Variants in ZNF721 observed in about 807,000 individuals in gnomAD.
ZNF721 encodes zinc finger protein 721.
ZNF721 carries 2 observed loss-of-function variants against 2.4 expected under a neutral mutation model. The ratio of observed to expected loss-of-function variants is 0.82; its 90% CI spans 0.34 to 2.58. The LOEUF (loss-of-function observed/expected upper bound fraction) is 2.58. Among genes scored for constraint, ZNF721 ranks in the 30% most tolerant of loss-of-function variants. The pLI, the probability that ZNF721 is intolerant of heterozygous loss-of-function variation, is 0.11. For missense variants in ZNF721, 1,187 were observed against 1,085.5 expected, an observed-to-expected ratio of 1.09 and a Z score of -1.31; for synonymous variants, 398 against 381.8, an observed-to-expected ratio of 1.04 and a Z score of -0.50.
intron 1 of ZNF721, among the ~76,000 whole-genome samples, chr4:489,516 C>A (rs1292543441): frequency 1.3e-5 from 2 of 152,224 alleles, no homozygotes; most frequent in Non-Finnish European, 2.9e-5. Flanking sequence ...AGACCATGGT[C>A]TTCACGTGGA....
chr4:475,861 G>A (rs1332862034), intron 1 of ZNF721, among the ~76,000 whole-genome samples: 1 of 151,228 alleles, frequency 6.6e-6, no homozygotes, highest in African/African-American at 2.4e-5. Flanking sequence ...CACCCCCACC[G>A]TTTTAAGCCC....
At chr4:464,908 T>C (rs1336018891) in intron 2 of ZNF721, among the ~76,000 whole-genome samples, 1 of 150,538 alleles carries the variant, frequency 6.6e-6, no homozygotes, top group African/African-American at 2.5e-5. Context: ...TGAAACCCTG[T>C]CTCTACTAAA....
chr4:448,313 G>A (rs573720225), intron 2 of ZNF721, among the ~76,000 whole-genome samples: 12 of 152,088 alleles, frequency 7.9e-5, no homozygotes, highest in African/African-American at 1.7e-4. Context: ...GTGGGTGACT[G>A]TAGTCCCAGC....
intron 2 of ZNF721, among the ~76,000 whole-genome samples, chr4:468,602 C>G (rs1428772331): frequency 6.6e-6 from 1 of 152,124 alleles, no homozygotes; most frequent in Admixed American, 6.5e-5. Context: ...CAGAAAGAAT[C>G]TGTGACTGTC....
intron 2 of ZNF721, among the ~76,000 whole-genome samples, chr4:453,187 G>C (rs1226422189): frequency 1.3e-5 from 2 of 152,222 alleles, no homozygotes; most frequent in African/African-American, 4.8e-5. Context: ...TGAAGGAAAA[G>C]GTGGAAGCAG....
chr4:479,589 G>A (rs1275243277), intron 1 of ZNF721, among the ~76,000 whole-genome samples: 1 of 152,264 alleles, frequency 6.6e-6, no homozygotes, highest in African/African-American at 2.4e-5. Context: ...ACAGATGCAA[G>A]GGCCCTGATG....
intron 1 of ZNF721, among the ~76,000 whole-genome samples, chr4:483,833 A>T (rs1173246455): frequency 2.0e-5 from 3 of 152,082 alleles, no homozygotes; most frequent in Non-Finnish European, 2.9e-5. Context: ...GTTTGTTTGA[A>T]ATGGAGTCTT....
rs1294454320 is a variant in ZNF721, at chr4:441,440, CATTTTT to C, written c.*249_*254del. Reference sequence around the variant, plus strand: ...TGACTAGAATTGGAAGTCTTTGCCACATTTTTAATTTTAATTTGGCTTCTCATCAAT... The same window carrying C: ...TGACTAGAATTGGAAGTCTTTGCCACAATTTTAATTTGGCTTCTCATCAAT... On this transcript the variant is annotated 3_prime_UTR_variant, in exon 3 of 3. Coordinates refer to ENST00000511833, the MANE Select transcript of ZNF721 (RefSeq NM_133474.4). The C allele has an allele frequency of 4.0e-5, 14 of 349,676 alleles. No homozygotes were observed. The highest frequency in any genetic ancestry group is 7.2e-5 in the Non-Finnish European group (14 of 194,330). 21.7% of individuals were successfully genotyped at this position (349,676 alleles called of 1,614,324 possible). A position where few individuals can be genotyped will look rare whatever the true frequency, so the allele number is the denominator to read the frequency against.
At chr4:490,050 A>T (rs1715983476) in intron 1 of ZNF721, among the ~76,000 whole-genome samples, 1 of 151,756 alleles carries the variant, frequency 6.6e-6, no homozygotes, top group African/African-American at 2.4e-5. Context: ...AGTAGAGATG[A>T]GGTTTCACCA....
At chr4:486,432 C>T (rs1715899444) in intron 1 of ZNF721, among the ~76,000 whole-genome samples, 1 of 152,210 alleles carries the variant, frequency 6.6e-6, no homozygotes, top group African/African-American at 2.4e-5. Context: ...GCTGGGATTA[C>T]AGGCATGAGC....
At chr4:473,800 C>T (rs1226274742) in intron 1 of ZNF721, among the ~76,000 whole-genome samples, 1 of 152,204 alleles carries the variant, frequency 6.6e-6, no homozygotes, top group African/African-American at 2.4e-5. Flanking sequence ...GCAGGCTGGG[C>T]CAGAGCAGCC....
intron 1 of ZNF721, among the ~76,000 whole-genome samples, chr4:487,033 C>A (rs553185283): frequency 6.6e-6 from 1 of 152,300 alleles, no homozygotes; most frequent in African/African-American, 2.4e-5. Context: ...CAACGTTGAT[C>A]CTGAGTCCCA....
At chr4:460,614 C>G (rs541018397) in intron 2 of ZNF721, among the ~76,000 whole-genome samples, 3 of 140,214 alleles carry the variant, frequency 2.1e-5, no homozygotes, top group African/African-American at 8.0e-5. Flanking sequence ...AATAGAGACA[C>G]GAAAGACCCT....
chr4:489,165 T>C (rs183076703), intron 1 of ZNF721, among the ~76,000 whole-genome samples: 232 of 152,306 alleles, frequency 1.5e-3, no homozygotes, highest in Non-Finnish European at 6.0e-4. Flanking sequence ...GGGTTTCCCT[T>C]GGGCACTCAT....
Position 442,617 on chromosome 4 carries a change from T to C in ZNF721, c.1850A>G (p.Glu617Gly). ...HTGEKLYKCEECGKDFVWYTD... is the reference protein window; with the variant it reads ...HTGEKLYKCEGCGKDFVWYTD... Reference sequence around the variant, plus strand: ...GTACCATACAAAGTCTTTGCCACACTCTTCACATTTGTAAAGTTTCTCTCC... The same window carrying C: ...GTACCATACAAAGTCTTTGCCACACCCTTCACATTTGTAAAGTTTCTCTCC... The change falls in exon 3 of 3, where the codon GAG becomes GGG. Residue 617 changes from glutamate to glycine, a missense_variant. By Grantham distance (98) the Glu-to-Gly change is moderately conservative. Coordinates refer to ENST00000511833, the MANE Select transcript of ZNF721 (RefSeq NM_133474.4). 6.2e-7 allele frequency: 1 copy of C among 1,613,906 alleles called. No individual in the cohort carries two copies.
rs144896959 is a variant in ZNF721, at chr4:456,487, C to T, written c.35-12055G>A. 5.5e-4 allele frequency among the ~76,000 whole-genome samples: 84 copies of T among 152,238 alleles called. No homozygotes were observed. The East Asian group carries it at 0.012, about 22-fold the overall frequency. On this transcript the variant is annotated intron_variant, in intron 2 of 2. Coordinates refer to ENST00000511833, the MANE Select transcript of ZNF721 (RefSeq NM_133474.4). ...ATTATACATATATTTTAAATTGCTT[C>T]GAGTAAAACCTAATGATTTTTATTT...
At chr4:464,885 A>C (rs1270818273) in intron 2 of ZNF721, among the ~76,000 whole-genome samples, 10 of 151,214 alleles carry the variant, frequency 6.6e-5, no homozygotes, top group Non-Finnish European at 7.4e-5. Flanking sequence ...CGAAACCATC[A>C]TGGCTAACAC....
chr4:479,661 C>G (rs1715725969), intron 1 of ZNF721, among the ~76,000 whole-genome samples: 2 of 152,148 alleles, frequency 1.3e-5, no homozygotes, highest in South Asian at 4.1e-4. Context: ...AGGCTGGGGC[C>G]TACACCGGAG....
chr4:484,163 A>G (rs1178148660), intron 1 of ZNF721, among the ~76,000 whole-genome samples: 1 of 152,218 alleles, frequency 6.6e-6, no homozygotes, highest in Non-Finnish European at 1.5e-5. Context: ...CTTTACTGCA[A>G]TCTCTAAACA....
Sources: allele counts gnomAD v4.1 joint callset (sites outside exome capture counted in the v4.1 genomes callset), GRCh38; gene constraint gnomAD v4.1.1; transcripts MANE v1.5; gene names NCBI Gene and HGNC (gene_info 2026-07-23, HGNC 2026-07-21).